The following SIMC1 variants were observed in gnomAD, a reference collection of about 807,000 sequenced individuals.
SIMC1 encodes SUMO-interacting motif-containing protein 1.
A neutral mutation model predicts 82.3 loss-of-function variants in SIMC1; 55 were observed. The observed-to-expected ratio is 0.67, with a 90% CI of 0.54 to 0.84. The LOEUF is 0.84. Ranked by LOEUF, SIMC1 falls within the 40% of genes least tolerant of loss-of-function variation. The pLI is 0.00. For synonymous variants in SIMC1, 353 were observed against 426.3 expected, an observed-to-expected ratio of 0.83 and a Z score of 2.12; for missense variants, 915 against 1,107.2, an observed-to-expected ratio of 0.83 and a Z score of 2.46.
intron 1 of SIMC1, among the ~76,000 whole-genome samples, chr5:176,272,191 AAAAAAAAG>A (rs1447465890): frequency 4.9e-5 from 7 of 143,538 alleles, no homozygotes; most frequent in Admixed American, 2.9e-4. Flanking sequence ...AAAAAAAAAA[AAAAAAAAG>A]GTGGGCATGG....
chr5:176,296,567 G>A (rs1238464017), intron 4 of SIMC1: 1 of 498,964 alleles, frequency 2.0e-6, no homozygotes, highest in Non-Finnish European at 3.7e-6. Context: ...TACACAGAAG[G>A]CTGAGGCAGG....
chr5:176,259,929 T>C (rs1761960397), intron 1 of SIMC1, among the ~76,000 whole-genome samples: 1 of 151,418 alleles, frequency 6.6e-6, no homozygotes, highest in South Asian at 2.1e-4. Context: ...TATAATTCTT[T>C]CCCAATGGGA....
At chr5:176,319,517 C>T (rs1765065912) in intron 5 of SIMC1, among the ~76,000 whole-genome samples, 1 of 151,906 alleles carries the variant, frequency 6.6e-6, no homozygotes, top group African/African-American at 2.4e-5. Context: ...CGGAGCAAGC[C>T]CTCATCTCTA....
intron 4 of SIMC1, among the ~76,000 whole-genome samples, chr5:176,312,592 C>G (rs1222833486): frequency 6.9e-6 from 1 of 144,436 alleles, no homozygotes; most frequent in Non-Finnish European, 1.5e-5. Context: ...TTTAAAAAAG[C>G]ATTTGCATCA....
intron 5 of SIMC1, among the ~76,000 whole-genome samples, chr5:176,317,717 A>G (rs1477941428): frequency 6.6e-6 from 1 of 152,028 alleles, no homozygotes; most frequent in African/African-American, 2.4e-5. Flanking sequence ...CCTTTCATTC[A>G]TATCTTTTTG....
intron 4 of SIMC1, among the ~76,000 whole-genome samples, chr5:176,306,620 C>T (rs1055905517): frequency 1.3e-5 from 2 of 151,398 alleles, no homozygotes; most frequent in African/African-American, 4.8e-5. Flanking sequence ...TACCCCCAAC[C>T]CTGTGCTCTC....
At chr5:176,242,405 A>G (rs1408928801) in intron 1 of SIMC1, among the ~76,000 whole-genome samples, 2 of 151,928 alleles carry the variant, frequency 1.3e-5, no homozygotes, top group Non-Finnish European at 2.9e-5. Context: ...TTAACTTTGT[A>G]TAATAGATTT....
chr5:176,310,167 G>A (rs980757251), intron 4 of SIMC1, among the ~76,000 whole-genome samples: 9 of 152,118 alleles, frequency 5.9e-5, no homozygotes, highest in African/African-American at 1.9e-4. Flanking sequence ...ATACTAATGA[G>A]GATACAAACT....
chr5:176,276,343 A>T (rs1762694317), intron 1 of SIMC1, among the ~76,000 whole-genome samples: 1 of 149,998 alleles, frequency 6.7e-6, no homozygotes, highest in South Asian at 2.1e-4. Flanking sequence ...TTTTATTGCG[A>T]CTGTTTGATT....
intron 5 of SIMC1, among the ~76,000 whole-genome samples, chr5:176,321,092 GTCA>G (rs1765137556): frequency 6.6e-6 from 1 of 152,006 alleles, no homozygotes; most frequent in South Asian, 2.1e-4. Flanking sequence ...ATTCTGCATG[GTCA>G]TCATTTCATT....
At chr5:176,279,334 T>G (rs1281689109) in intron 1 of SIMC1, among the ~76,000 whole-genome samples, 1 of 152,228 alleles carries the variant, frequency 6.6e-6, no homozygotes, top group Non-Finnish European at 1.5e-5. Context: ...CTTTATCATT[T>G]TTTATTGCGT....
intron 1 of SIMC1, among the ~76,000 whole-genome samples, chr5:176,248,235 A>C (rs972421120): frequency 1.3e-5 from 2 of 152,114 alleles, no homozygotes; most frequent in African/African-American, 4.8e-5. Context: ...CTTCCTATCC[A>C]TGAGCATGGA....
rs182138835 is a variant in SIMC1 at position 176,308,733 on chromosome 5, A to G, written c.1735-4958A>G. The G allele has an allele frequency of 7.2e-4, 1,030 of 1,437,558 alleles. 5 individuals are homozygous for G. In the African/African-American group the frequency reaches 0.012, roughly 17 times the overall value. The allele number at this position is 1,437,558 out of a possible 1,614,324, so 89.1% of individuals were successfully genotyped here. On this transcript the variant is annotated intron_variant, in intron 4 of 9. Transcript: ENST00000429602. ...AATCCATATTGTACCTCATGTCACT[A>G]TCGGGAAAGCGTGCCTTGAATCAGC...
In SIMC1 at chr5:176,334,146, A is replaced by G. The variant is rs530176010; in HGVS notation, c.2172-2574A>G. On this transcript the variant is annotated intron_variant, in intron 7 of 9. Coordinates refer to ENST00000429602, the MANE Select transcript of SIMC1 (RefSeq NM_001308195.2). ...GTATGTCACCTCTTGGTCTGTTTCT[A>G]TGGACATTTGCTCCTGGTTATGAAT... Among the ~76,000 whole-genome samples, 8 of 152,232 alleles carry G rather than the reference A, an allele frequency of 5.3e-5. No individual in the cohort carries two copies. In the South Asian group the frequency reaches 6.2e-4, roughly 12 times the overall value.
chr5:176,243,531 T>A (rs963609193), intron 1 of SIMC1, among the ~76,000 whole-genome samples: 6 of 152,122 alleles, frequency 3.9e-5, no homozygotes, highest in African/African-American at 1.4e-4. Context: ...TTTTTTTTTT[T>A]TTGGAGATGG....
chr5:176,308,557 C>T, intron 4 of SIMC1: 1 of 1,595,800 alleles, frequency 6.3e-7, no homozygotes, highest in Non-Finnish European at 8.6e-7. Context: ...AACACAAGGG[C>T]TGGCCGGGTA....
intron 1 of SIMC1, among the ~76,000 whole-genome samples, chr5:176,287,393 A>G (rs758370489): frequency 5.9e-5 from 9 of 152,142 alleles, no homozygotes; most frequent in Non-Finnish European, 1.3e-4. Flanking sequence ...AAAACCAAAC[A>G]CTGCATGTTC....
intron 7 of SIMC1, among the ~76,000 whole-genome samples, chr5:176,335,881 A>G (rs1765868158): frequency 6.6e-6 from 1 of 152,004 alleles, no homozygotes; most frequent in Admixed American, 6.6e-5. Flanking sequence ...CATCTCTACA[A>G]AAAAAATAAT....
chr5:176,312,201 G>C (rs1764691255), intron 4 of SIMC1, among the ~76,000 whole-genome samples: 2 of 152,158 alleles, frequency 1.3e-5, no homozygotes, highest in South Asian at 4.1e-4. Context: ...CACAAGTAGT[G>C]GTGGAGAGTG....
Sources: allele counts gnomAD v4.1 joint callset (sites outside exome capture counted in the v4.1 genomes callset), GRCh38; gene constraint gnomAD v4.1.1; transcripts MANE v1.5; gene names NCBI Gene and HGNC (gene_info 2026-07-23, HGNC 2026-07-21).